Variants in RAC1 observed in about 807,000 individuals in gnomAD.
The protein encoded by RAC1 is ras-related C3 botulinum toxin substrate 1.
A neutral mutation model predicts 25.2 loss-of-function variants in RAC1; 2 were observed. The observed-to-expected ratio is 0.08, with a 90% CI of 0.03 to 0.25. The LOEUF is 0.25. RAC1 is among the 10% of genes least tolerant of loss of function. The probability of loss-of-function intolerance (pLI) is 1.00; values close to 1 mark genes in which losing one functional copy is unlikely to be tolerated. For missense variants in RAC1, 50 were observed against 235.7 expected, an observed-to-expected ratio of 0.21 and a Z score of 5.16; for synonymous variants, 88 against 94.0, an observed-to-expected ratio of 0.94 and a Z score of 0.37.
chr7:6,402,109 GGT>G, intron 5 of RAC1, 82 bp downstream of exon 5: 1 of 1,510,144 alleles, frequency 6.6e-7, no homozygotes, highest in Non-Finnish European at 9.0e-7. Context: ...GGGAAAGGAG[GGT>G]GTGTGTCTCC....
At chr7:6,392,316 TG>T (rs1393663854) in intron 3 of RAC1, among the ~76,000 whole-genome samples, 1 of 152,218 alleles carries the variant, frequency 6.6e-6, no homozygotes, top group African/African-American at 2.4e-5. Flanking sequence ...TTTTTGTTTT[TG>T]CAAACCAGTT....
intron 3 of RAC1, among the ~76,000 whole-genome samples, chr7:6,394,204 C>T (rs1410001354): frequency 6.6e-6 from 1 of 152,180 alleles, no homozygotes; most frequent in Non-Finnish European, 1.5e-5. Flanking sequence ...TTGGCATCCT[C>T]TCTATTGGGC....
At chr7:6,375,627 G>T (rs1318182941) in intron 1 of RAC1, among the ~76,000 whole-genome samples, 1 of 152,032 alleles carries the variant, frequency 6.6e-6, no homozygotes, top group Non-Finnish European at 1.5e-5. Flanking sequence ...CTGGCTGGGA[G>T]GAGCCGGCTG....
At chr7:6,381,057 C>G (rs772289013) in intron 1 of RAC1, among the ~76,000 whole-genome samples, 11 of 151,974 alleles carry the variant, frequency 7.2e-5, no homozygotes, top group African/African-American at 1.5e-4. Context: ...TTAGTTGAGA[C>G]AGGTTTCACC....
In RAC1 at chr7:6,389,980, C is replaced by A. The variant is rs940466443; in HGVS notation, c.108-1944C>A. ...CTCCCTTCCTCCCTTCCTTTCTTCC[C>A]TCCCTCCTCCTCTCCCTCCCTCTCT... On this transcript the variant is annotated intron_variant, in intron 2 of 5. Coordinates refer to ENST00000348035, the MANE Select transcript of RAC1 (RefSeq NM_006908.5). 3.9e-5 allele frequency among the ~76,000 whole-genome samples: 5 copies of A among 129,314 alleles called. No individual in the cohort carries two copies. In the Admixed American group the frequency reaches 4.1e-4, roughly 11 times the overall value. The allele number at this position is 129,314 out of a possible 152,430, so 84.8% of individuals were successfully genotyped here.
intron 3 of RAC1, chr7:6,399,867 C>A (rs2115213776): frequency 1.9e-6 from 1 of 523,050 alleles, no homozygotes; most frequent in South Asian, 2.7e-5. Flanking sequence ...TGGTCTGATC[C>A]TCCTGATCCT....
At chr7:6,402,190 G>A in intron 5 of RAC1, 126 bp from the exon 6 acceptor site, 2 of 1,469,056 alleles carry the variant, frequency 1.4e-6, no homozygotes, top group Non-Finnish European at 1.8e-6. Context: ...GTCAGCGTTG[G>A]AAGGTGGAAG....
rs568051360 is a variant in RAC1 at position 6,400,204 on chromosome 7, A to G, written c.288+16A>G. Reference sequence around the variant, plus strand: ...CCGTGCAAAGGTAGGTGGGGATTTAAAATGTGTATGTAAGTTATAGAATGA... The same window carrying G: ...CCGTGCAAAGGTAGGTGGGGATTTAGAATGTGTATGTAAGTTATAGAATGA... On this transcript the variant is annotated intron_variant, in intron 4 of 5. Coordinates refer to ENST00000348035, the MANE Select transcript of RAC1 (RefSeq NM_006908.5). 4 of 1,584,856 alleles carry G rather than the reference A, an allele frequency of 2.5e-6. No individual in the cohort carries two copies. Among genetic ancestry groups the G allele is most frequent in the African/African-American group, 2.7e-5 (2 of 74,362 alleles).
At chr7:6,378,524 C>T (rs908970811) in intron 1 of RAC1, among the ~76,000 whole-genome samples, 5 of 150,264 alleles carry the variant, frequency 3.3e-5, no homozygotes, top group Admixed American at 2.0e-4. Context: ...CCAGCCTGGG[C>T]GACAAGAGCA....
intron 1 of RAC1, among the ~76,000 whole-genome samples, chr7:6,386,840 A>C (rs1782936981): frequency 6.6e-6 from 1 of 152,046 alleles, no homozygotes; most frequent in African/African-American, 2.4e-5. Context: ...CTTCAGGATC[A>C]AACTTAAGAT....
At chr7:6,375,262 A>AT (rs954882332) in intron 1 of RAC1, among the ~76,000 whole-genome samples, 93 of 151,314 alleles carry the variant, frequency 6.1e-4, no homozygotes, top group African/African-American at 1.8e-3. Context: ...CTTTAAAAAA[A>AT]TTTTTTTTTC....
chr7:6,400,651 A>C (rs34183253), intron 4 of RAC1, among the ~76,000 whole-genome samples: 14,616 of 151,602 alleles, frequency 0.096, 983 homozygotes, highest in Admixed American at 0.2. Context: ...TTATTTATTT[A>C]TTTTTGAGAG....
Position 6,398,719 on chromosome 7 carries a change from G to GT in RAC1, c.226-1406dup. On this transcript the variant is annotated intron_variant, in intron 3 of 5. Transcript: ENST00000348035. Reference sequence around the variant, plus strand: ...CCGGGGCAAAGACAAGCCGATTGCCGTATGTAAAACTTTCAGTCCACTTCA... The same window carrying GT: ...CCGGGGCAAAGACAAGCCGATTGCCGTTATGTAAAACTTTCAGTCCACTTCA... The GT allele has an allele frequency of 2.5e-6, 4 of 1,613,122 alleles. No individual in the cohort carries two copies. Among genetic ancestry groups the GT allele is most frequent in the Non-Finnish European group, 3.4e-6 (4 of 1,179,232 alleles).
intron 4 of RAC1, 134 bp downstream of exon 4, chr7:6,400,322 A>C (rs1306892906): frequency 2.5e-6 from 2 of 816,254 alleles, no homozygotes; most frequent in Non-Finnish European, 3.9e-6. Context: ...TAAGTACATG[A>C]TTGGGTTTTT....
intron 1 of RAC1, among the ~76,000 whole-genome samples, chr7:6,379,572 G>A (rs966449108): frequency 2.0e-5 from 3 of 152,016 alleles, no homozygotes; most frequent in Admixed American, 2.0e-4. Flanking sequence ...ACTACGCCTG[G>A]CAATTTTTTG....
At chr7:6,389,742 G>C (rs897814169) in intron 2 of RAC1, among the ~76,000 whole-genome samples, 5 of 152,094 alleles carry the variant, frequency 3.3e-5, no homozygotes, top group African/African-American at 9.7e-5. Flanking sequence ...GCCCAGGCTG[G>C]TCTTGAAGAC....
chr7:6,397,421 G>A (rs1289098349), intron 3 of RAC1, among the ~76,000 whole-genome samples: 1 of 151,704 alleles, frequency 6.6e-6, no homozygotes, highest in Non-Finnish European at 1.5e-5. Context: ...AGCCTCCCGA[G>A]TAGCTGGGAT....
At chr7:6,394,507 T>G (rs1012873198) in intron 3 of RAC1, among the ~76,000 whole-genome samples, 1 of 151,932 alleles carries the variant, frequency 6.6e-6, no homozygotes, top group African/African-American at 2.4e-5. Flanking sequence ...GTGGTGTGAG[T>G]GGGAGCCTAA....
intron 3 of RAC1, among the ~76,000 whole-genome samples, chr7:6,398,337 A>G (rs1470967830): frequency 6.6e-6 from 1 of 152,156 alleles, no homozygotes; most frequent in African/African-American, 2.4e-5. Context: ...GCGGTAAGGG[A>G]CAGTGCAGAA....
Sources: gnomAD v4.1 joint callset for allele counts (sites outside exome capture counted in the v4.1 genomes callset) on GRCh38, gnomAD v4.1.1 for gene constraint, MANE v1.5 for transcripts, NCBI Gene and HGNC (gene_info 2026-07-23, HGNC 2026-07-21) for gene names.